KLRD1: variants seen among roughly 807,000 people sequenced by gnomAD.
KLRD1 encodes natural killer cells antigen CD94.
A neutral mutation model predicts 22.6 loss-of-function variants in KLRD1; 21 were observed. The ratio of observed to expected loss-of-function variants is 0.93; its 90% CI spans 0.66 to 1.34. The LOEUF (loss-of-function observed/expected upper bound fraction) is 1.34. Ranked by LOEUF, KLRD1 falls within the 40% of genes most tolerant of loss-of-function variation. The pLI, the probability that KLRD1 is intolerant of heterozygous loss-of-function variation, is 0.00. For synonymous variants in KLRD1, 59 were observed against 71.1 expected (o/e 0.83, Z 0.85); for missense variants, 183 against 208.6 (o/e 0.88, Z 0.76).
chr12:10,252,954 T>TAAAAA (rs11460315), intron 1 of KLRD1, among the ~76,000 whole-genome samples: 1 of 145,210 alleles, frequency 6.9e-6, no homozygotes, highest in Non-Finnish European at 1.5e-5. Flanking sequence ...TGGGCAGTTG[T>TAAAAA]AAAAAAAAAA....
chr12:10,324,534 C>A lies in KLRD1; in HGVS notation c.*9741C>A, dbSNP rs1950341427. ...ATTGATTTGCTTAGGATAATGGCCT[C>A]TAGTTCTATCCATGTTCCTGCAAAG... is the stretch of plus-strand genomic sequence containing the variant. On this transcript the variant is annotated 3_prime_UTR_variant, in exon 6 of 6. Coordinates refer to ENST00000336164, the MANE Select transcript of KLRD1 (RefSeq NM_002262.5). 1 of 151,864 alleles carries A rather than the reference C, an allele frequency of 6.6e-6. No individual in the cohort carries two copies. The highest frequency in any genetic ancestry group is 1.5e-5 in the Non-Finnish European group (1 of 67,978). 9.4% of individuals were successfully genotyped at this position (151,864 alleles called of 1,614,324 possible).
rs181825794 is a variant in KLRD1 at position 10,276,070 on chromosome 12, A to G, written c.-100-31908A>G. Among the ~76,000 whole-genome samples, 309 of 152,192 alleles carry G rather than the reference A, an allele frequency of 2.0e-3. 3 individuals are homozygous for G. The highest frequency in any genetic ancestry group is 0.01 in the Middle Eastern group (3 of 294). Reference sequence around the variant, plus strand: ...CTTTTTTTGCATTGTTTTATTCTGTATTTATTAGAGTTATCTGTGTTGCTG... The same window carrying G: ...CTTTTTTTGCATTGTTTTATTCTGTGTTTATTAGAGTTATCTGTGTTGCTG... On this transcript the variant is annotated intron_variant, in intron 1 of 5. Coordinates refer to the KLRD1 transcript ENST00000544747.
intron 1 of KLRD1, among the ~76,000 whole-genome samples, chr12:10,295,285 T>A (rs1949811561): frequency 6.6e-6 from 1 of 152,242 alleles, no homozygotes; most frequent in African/African-American, 2.4e-5. Context: ...AATTTCAGTT[T>A]TATTTTGAGT....
intron 1 of KLRD1, among the ~76,000 whole-genome samples, chr12:10,273,286 A>G (rs1264667701): frequency 1.3e-5 from 2 of 152,190 alleles, no homozygotes; most frequent in Non-Finnish European, 2.9e-5. Context: ...TAAAAGTATT[A>G]CATAGTATAA....
At chr12:10,294,346 C>T (rs1449155658) in intron 1 of KLRD1, among the ~76,000 whole-genome samples, 1 of 152,148 alleles carries the variant, frequency 6.6e-6, no homozygotes, top group East Asian at 1.9e-4. Context: ...AAAGTGCATC[C>T]TCCTAGAAGT....
At chr12:10,294,455 A>G (rs570808920) in intron 1 of KLRD1, among the ~76,000 whole-genome samples, 85 of 152,136 alleles carry the variant, frequency 5.6e-4, no homozygotes, top group African/African-American at 1.8e-3. Flanking sequence ...CTGGAGTGCA[A>G]TGGCATGATC....
intron 1 of KLRD1, among the ~76,000 whole-genome samples, chr12:10,273,350 T>A (rs565579105): frequency 5.8e-4 from 88 of 152,324 alleles, no homozygotes; most frequent in Middle Eastern, 3.4e-3. Context: ...TGTAATAGAA[T>A]AAGATTATAT....
chr12:10,312,853 G>A (rs1214578660), intron 4 of KLRD1, among the ~76,000 whole-genome samples: 3 of 151,670 alleles, frequency 2.0e-5, no homozygotes, highest in African/African-American at 7.3e-5. Context: ...CGGGCGTGGT[G>A]GCGGGCGCCT....
chr12:10,314,446 A>C (rs1000582534), intron 5 of KLRD1, among the ~76,000 whole-genome samples: 1 of 152,200 alleles, frequency 6.6e-6, no homozygotes, highest in Non-Finnish European at 1.5e-5. Flanking sequence ...GAAAAACAGC[A>C]AGGAAAAAAT....
At chr12:10,275,747 C>T (rs2137648787) in intron 1 of KLRD1, among the ~76,000 whole-genome samples, 3 of 152,180 alleles carry the variant, frequency 2.0e-5, no homozygotes, top group Admixed American at 2.0e-4. Flanking sequence ...TTAAGATAAA[C>T]TTTTATGATA....
intron 1 of KLRD1, among the ~76,000 whole-genome samples, chr12:10,246,933 C>T (rs11053710): frequency 0.26 from 15,153 of 57,356 alleles, 1,371 homozygotes; most frequent in East Asian, 0.51. Flanking sequence ...CTTTTCTTTT[C>T]TTTTTTTTTT....
At chr12:10,307,115 T>C (rs1949943535), upstream of KLRD1, among the ~76,000 whole-genome samples, 1 of 152,210 alleles carries the variant, frequency 6.6e-6, no homozygotes, top group South Asian at 2.1e-4. Context: ...CCACATTTGA[T>C]ATTCCTATTA....
At chr12:10,288,242 C>CAA (rs71300167) in intron 1 of KLRD1, among the ~76,000 whole-genome samples, 9,239 of 94,730 alleles carry the variant, frequency 0.098, 455 homozygotes, top group East Asian at 0.22. Context: ...GACTCCGTCT[C>CAA]AAAAAAAAAA....
At chr12:10,311,653 CT>C in intron 4 of KLRD1, 38 bp downstream of exon 4, 1 of 1,598,422 alleles carries the variant, frequency 6.3e-7, no homozygotes, top group East Asian at 2.2e-5. Context: ...TTTCTTTGAT[CT>C]AGAAAAATAT....
At chr12:10,249,890 C>A (rs937685378) in intron 1 of KLRD1, among the ~76,000 whole-genome samples, 1 of 152,108 alleles carries the variant, frequency 6.6e-6, no homozygotes, top group African/African-American at 2.4e-5. Flanking sequence ...ATTTCTTGAC[C>A]CAATGACTTC....
intron 1 of KLRD1, among the ~76,000 whole-genome samples, chr12:10,291,638 A>G (rs1250246535): frequency 1.4e-5 from 2 of 147,864 alleles, no homozygotes; most frequent in South Asian, 2.1e-4. Flanking sequence ...TTTTAATCCT[A>G]TACTATTTTA....
intron 5 of KLRD1, 24 bp downstream of exon 5, chr12:10,313,537 T>G: frequency 1.5e-6 from 2 of 1,371,542 alleles, no homozygotes; most frequent in Non-Finnish European, 2.0e-6. Flanking sequence ...AATCATGGCG[T>G]TTTTTGCTCT....
intron 1 of KLRD1, among the ~76,000 whole-genome samples, chr12:10,246,063 C>T (rs1054132159): frequency 3.3e-5 from 5 of 152,278 alleles, no homozygotes; most frequent in Non-Finnish European, 5.9e-5. Flanking sequence ...CATTTCATCT[C>T]ATGATAGCAT....
Position 10,313,473 on chromosome 12 carries a change from G to A in KLRD1, c.379G>A (p.Ala127Thr), listed in dbSNP as rs537328396. The A allele has an allele frequency of 5.4e-4, 867 of 1,607,506 alleles. 16 individuals carry two copies. In the South Asian group the frequency reaches 9.3e-3, roughly 17 times the overall value. Residue 127 changes from alanine (A) to threonine (T), a missense_variant, in exon 5 of 6, where the codon GCC (alanine) becomes ACC (threonine). By Grantham distance (58) the Ala-to-Thr change is moderately conservative. Transcript: ENST00000336164. ...ACTCTCTTACAGTGAGGAGCACACCGCCTGGTTGTGGGAGAATGGCTCTGC... is the reference window on the plus strand; with the variant it reads ...ACTCTCTTACAGTGAGGAGCACACCACCTGGTTGTGGGAGAATGGCTCTGC... ...IGLSYSEEHT[A>T]WLWENGSALS...
Sources: gnomAD v4.1 joint callset for allele counts (sites outside exome capture counted in the v4.1 genomes callset) on GRCh38, gnomAD v4.1.1 for gene constraint, MANE v1.5 for transcripts, NCBI Gene and HGNC (gene_info 2026-07-23, HGNC 2026-07-21) for gene names.